Variants in ANGPTL5 observed in about 807,000 individuals in gnomAD.
ANGPTL5 encodes the protein angiopoietin like 5, also known as angiopoietin-related protein 5.
ANGPTL5 carries 34 observed loss-of-function variants against 39.4 expected under a neutral mutation model. The ratio of observed to expected loss-of-function variants is 0.86; its 90% CI spans 0.66 to 1.15. ANGPTL5 has a LOEUF of 1.15. Among genes scored for constraint, ANGPTL5 ranks in the 50% most tolerant of loss-of-function variants. ANGPTL5 has a pLI of 0.00. For missense variants in ANGPTL5, 467 were observed against 457.5 expected (o/e 1.02, Z -0.19); for synonymous variants, 146 against 152.1 (o/e 0.96, Z 0.29).
At chr11:101,912,520 T>C (rs1268224324) in intron 1 of ANGPTL5, among the ~76,000 whole-genome samples, 1 of 151,998 alleles carries the variant, frequency 6.6e-6, no homozygotes, top group Non-Finnish European at 1.5e-5. Context: ...ACAACTTAAA[T>C]AGAATGTGGA....
intron 1 of ANGPTL5, among the ~76,000 whole-genome samples, chr11:101,914,102 A>G (rs1940140898): frequency 6.6e-6 from 1 of 152,366 alleles, no homozygotes; most frequent in African/African-American, 2.4e-5. Context: ...CAACTGGAAA[A>G]GTTTATTATT....
intron 5 of ANGPTL5, among the ~76,000 whole-genome samples, 182 bp from the exon 6 acceptor site, chr11:101,902,903 T>A (rs1472999294): frequency 6.6e-6 from 1 of 152,116 alleles, no homozygotes; most frequent in African/African-American, 2.4e-5. Flanking sequence ...ATTAAAGAAT[T>A]TATGCTGCAA....
At position 101,891,475 on chromosome 11, in the gene ANGPTL5, C is replaced by T. The variant is rs189589528; in HGVS notation, c.971G>A (p.Cys324Tyr). 153 of 1,614,072 alleles carry T rather than the reference C, an allele frequency of 9.5e-5. No homozygotes were observed. The East Asian group carries it at 3.2e-3, about 34-fold the overall frequency. Residue 324 changes from cysteine (C) to tyrosine (Y), a missense_variant, in exon 9 of 9, where the codon TGC becomes TAC. Coordinates refer to ENST00000334289, the MANE Select transcript of ANGPTL5 (RefSeq NM_178127.5). ...GCCGGTCTTGTTATGGAGGTGACTG[C>T]AGCTCTTCACAGACTGACCATTGAC... ...CLVNGQSVKS[C>Y]SHLHNKTGWW...
At chr11:101,910,864 C>T (rs1940080190) in intron 1 of ANGPTL5, among the ~76,000 whole-genome samples, 1 of 152,048 alleles carries the variant, frequency 6.6e-6, no homozygotes, top group Non-Finnish European at 1.5e-5. Flanking sequence ...TCTCCTACAA[C>T]CTAGTTTTCC....
chr11:101,915,433 C>T (rs1209118214), intron 1 of ANGPTL5: 2 of 1,595,666 alleles, frequency 1.3e-6, no homozygotes, highest in Non-Finnish European at 1.7e-6. Context: ...CAGCCTGTGG[C>T]TGCCAGGGTA....
chr11:101,897,272 T>C (rs1032811848), intron 7 of ANGPTL5, among the ~76,000 whole-genome samples: 5 of 152,232 alleles, frequency 3.3e-5, no homozygotes, highest in Non-Finnish European at 5.9e-5. Flanking sequence ...GCCAGAAGGA[T>C]AGATTGCGAA....
chr11:101,899,187 T>C (rs1031320093), intron 7 of ANGPTL5, among the ~76,000 whole-genome samples: 3 of 152,252 alleles, frequency 2.0e-5, no homozygotes, highest in Non-Finnish European at 4.4e-5. Context: ...GTCCCTCTTT[T>C]TCCTACTGGT....
chr11:101,899,820 T>C (rs1356866599), intron 7 of ANGPTL5, among the ~76,000 whole-genome samples: 1 of 152,232 alleles, frequency 6.6e-6, no homozygotes, highest in Non-Finnish European at 1.5e-5. Flanking sequence ...GTAAACTCAC[T>C]GGCAGAAGTT....
At chr11:101,891,787 C>A (rs1939702154) in intron 8 of ANGPTL5, among the ~76,000 whole-genome samples, 189 bp from the exon 9 acceptor site, 2 of 152,160 alleles carry the variant, frequency 1.3e-5, no homozygotes, top group African/African-American at 4.8e-5. Context: ...AGTTCCCCAA[C>A]ACAACAGACA....
chr11:101,894,028 G>C (rs1591250445), intron 8 of ANGPTL5, among the ~76,000 whole-genome samples: 2 of 152,144 alleles, frequency 1.3e-5, no homozygotes, highest in East Asian at 3.9e-4. Flanking sequence ...AGCTTCCCAT[G>C]TTGAATCTAA....
At chr11:101,915,612 C>A (rs191172503) in intron 1 of ANGPTL5, among the ~76,000 whole-genome samples, 2 of 152,132 alleles carry the variant, frequency 1.3e-5, no homozygotes, top group African/African-American at 4.8e-5. Flanking sequence ...TGGCTGCTTC[C>A]CCCCATCACC....
Position 101,900,540 on chromosome 11 carries a change from T to C in ANGPTL5, c.551A>G (p.Asp184Gly). The change falls in exon 7 of 9, where the codon GAC becomes GGC. Residue 184 changes from aspartate to glycine, a missense_variant. Asp to Gly is a moderately conservative substitution (Grantham distance 94). Transcript: ENST00000334289. ...CCGTCCACCTCCTCTGTAATCCATG[T>C]CACACATTACCTAAAATAAGCACAG... ...GSSYPFEVMCDMDYRGGGRTV... is the reference protein window; with the variant it reads ...GSSYPFEVMCGMDYRGGGRTV... The C allele has an allele frequency of 6.2e-7, 1 of 1,610,734 alleles. No homozygotes were observed. The highest frequency in any genetic ancestry group is 1.1e-5 in the South Asian group (1 of 91,004).
intron 6 of ANGPTL5, among the ~76,000 whole-genome samples, 172 bp from the exon 7 acceptor site, chr11:101,900,722 A>AG (rs1366174444): frequency 4.6e-5 from 7 of 152,234 alleles, no homozygotes; most frequent in Admixed American, 3.3e-4. Flanking sequence ...TTCTAGAAAT[A>AG]ATACTGTTTA....
At chr11:101,896,246 G>A (rs1266338939) in intron 7 of ANGPTL5, among the ~76,000 whole-genome samples, 2 of 151,238 alleles carry the variant, frequency 1.3e-5, no homozygotes, top group East Asian at 1.9e-4. Context: ...GCAGTAGTGC[G>A]ATCTCGGCTC....
intron 1 of ANGPTL5, among the ~76,000 whole-genome samples, chr11:101,911,648 A>G (rs988576505): frequency 3.3e-5 from 5 of 152,088 alleles, no homozygotes; most frequent in African/African-American, 9.7e-5. Context: ...TCCTTCTACC[A>G]TGAGTAAAAA....
chr11:101,911,424 T>C (rs1940091259), intron 1 of ANGPTL5, among the ~76,000 whole-genome samples: 1 of 152,044 alleles, frequency 6.6e-6, no homozygotes, highest in Non-Finnish European at 1.5e-5. Context: ...ATGCCAGGCC[T>C]CCCCGCCCAA....
chr11:101,891,488 A>C lies in ANGPTL5; in HGVS notation c.958T>G (p.Ser320Ala). Residue 320 changes from serine (S) to alanine (A), a missense_variant, in exon 9 of 9, where the codon TCT becomes GCT. Ser to Ala is a moderately conservative substitution (Grantham distance 99). Coordinates refer to ENST00000334289, the MANE Select transcript of ANGPTL5 (RefSeq NM_178127.5). ...CRPACLVNGQSVKSCSHLHNK... is the reference protein window; with the variant it reads ...CRPACLVNGQAVKSCSHLHNK... ...TGGAGGTGACTGCAGCTCTTCACAGACTGACCATTGACCAGGCATGCAGGG... is the reference window on the plus strand; with the variant it reads ...TGGAGGTGACTGCAGCTCTTCACAGCCTGACCATTGACCAGGCATGCAGGG... The C allele has an allele frequency of 6.2e-7, 1 of 1,614,026 alleles. No homozygotes were observed. The highest frequency in any genetic ancestry group is 1.7e-5 in the Admixed American group (1 of 59,990).
intron 6 of ANGPTL5, among the ~76,000 whole-genome samples, chr11:101,901,823 T>C (rs1166454521): frequency 6.6e-6 from 1 of 152,078 alleles, no homozygotes; most frequent in African/African-American, 2.4e-5. Context: ...ACCGGTAGTA[T>C]TTACTTAGAA....
chr11:101,903,461 C>T (rs1939943656), intron 5 of ANGPTL5, among the ~76,000 whole-genome samples: 1 of 152,128 alleles, frequency 6.6e-6, no homozygotes, highest in South Asian at 2.1e-4. Context: ...AAATGCCCAT[C>T]TTAACATCCT....
Sources: gnomAD v4.1 joint callset for allele counts (sites outside exome capture counted in the v4.1 genomes callset) on GRCh38, gnomAD v4.1.1 for gene constraint, MANE v1.5 for transcripts, NCBI Gene and HGNC (gene_info 2026-07-23, HGNC 2026-07-21) for gene names.